The following HIVEP3 variants were observed in gnomAD, a reference collection of about 807,000 sequenced individuals.
The protein encoded by HIVEP3 is HIVEP zinc finger 3, also known as transcription factor HIVEP3.
HIVEP3 carries 49 observed loss-of-function variants against 152.8 expected under a neutral mutation model. The observed-to-expected ratio is 0.32, with a 90% CI of 0.26 to 0.41. HIVEP3 has a LOEUF of 0.41. Ranked by LOEUF, HIVEP3 falls within the 10% of genes least tolerant of loss-of-function variation. The probability of loss-of-function intolerance (pLI) is 1.00; values close to 1 mark genes in which losing one functional copy is unlikely to be tolerated. For missense variants in HIVEP3, 2,790 were observed against 3,103.3 expected (o/e 0.90, Z 2.40); for synonymous variants, 1,269 against 1,289.0 (o/e 0.98, Z 0.33).
At chr1:41,547,475 G>A (rs768454807) in intron 5 of HIVEP3, among the ~76,000 whole-genome samples, 7 of 152,248 alleles carry the variant, frequency 4.6e-5, no homozygotes, top group Non-Finnish European at 1.0e-4. Context: ...CCCTGCAGGT[G>A]GAGGGGATGG....
At position 41,598,599 on chromosome 1, in the gene HIVEP3, C is replaced by A. The variant is rs561207832; in HGVS notation, c.-521-13281G>T. Among the ~76,000 whole-genome samples the A allele has an allele frequency of 2.2e-4, 33 of 152,278 alleles. No individual in the cohort carries two copies. In the South Asian group the frequency reaches 6.8e-3, roughly 32 times the overall value. ...TTATAACGATCACTCTACTGCAACT[C>A]ATTTCTTCATTTCTCCACTCAGTCT... On this transcript the variant is annotated intron_variant, in intron 3 of 8. Transcript: ENST00000372583.
chr1:41,564,995 A>G (rs1644138615), intron 5 of HIVEP3, among the ~76,000 whole-genome samples: 1 of 152,140 alleles, frequency 6.6e-6, no homozygotes, highest in Non-Finnish European at 1.5e-5. Flanking sequence ...GCAAGACAAG[A>G]TGCACAGAGC....
intron 1 of HIVEP3, among the ~76,000 whole-genome samples, chr1:41,878,205 C>T (rs940538653): frequency 2.6e-5 from 4 of 152,176 alleles, no homozygotes; most frequent in African/African-American, 9.7e-5. Context: ...ACGAATTAAG[C>T]ACCATGAGTT....
chr1:41,675,599 T>C (rs946201420), intron 2 of HIVEP3, among the ~76,000 whole-genome samples: 6 of 152,258 alleles, frequency 3.9e-5, no homozygotes, highest in Admixed American at 3.9e-4. Context: ...ACTGTCAGAG[T>C]AGCTGTGACC....
At chr1:41,721,153 T>C (rs1646667885) in intron 1 of HIVEP3, among the ~76,000 whole-genome samples, 1 of 152,196 alleles carries the variant, frequency 6.6e-6, no homozygotes, top group Non-Finnish European at 1.5e-5. Context: ...ATACTTTATC[T>C]ACTTAAACAT....
intron 1 of HIVEP3, among the ~76,000 whole-genome samples, chr1:41,895,121 C>G (rs950697600): frequency 8.5e-5 from 13 of 152,150 alleles, no homozygotes; most frequent in African/African-American, 3.1e-4. Context: ...GATGGACAGG[C>G]TCACTGATTC....
chr1:41,966,273 A>G (rs1645197040), intron 1 of HIVEP3, among the ~76,000 whole-genome samples: 1 of 152,076 alleles, frequency 6.6e-6, no homozygotes, highest in African/African-American at 2.4e-5. Context: ...CACTAAAAAA[A>G]CACACTGAAG....
chr1:41,756,625 T>C (rs1412058297), intron 1 of HIVEP3, among the ~76,000 whole-genome samples: 5 of 152,238 alleles, frequency 3.3e-5, no homozygotes, highest in Admixed American at 3.3e-4. Context: ...AGGATAAATA[T>C]ATCCAATGGA....
intron 1 of HIVEP3, among the ~76,000 whole-genome samples, chr1:41,996,954 T>C (rs1645399118): frequency 6.6e-6 from 1 of 152,168 alleles, no homozygotes; most frequent in African/African-American, 2.4e-5. Context: ...CCTGAAACTC[T>C]TGTCTGTGTC....
chr1:41,605,962 G>GT (rs1399447253), intron 3 of HIVEP3, among the ~76,000 whole-genome samples: 1 of 152,226 alleles, frequency 6.6e-6, no homozygotes, highest in African/African-American at 2.4e-5. Flanking sequence ...TAGGACAGAT[G>GT]TGTTAGGATG....
chr1:41,986,438 CTTTTT>C (rs34078704), intron 1 of HIVEP3, among the ~76,000 whole-genome samples: 2 of 112,494 alleles, frequency 1.8e-5, no homozygotes, highest in Admixed American at 8.6e-5. Context: ...TTGAATAGGA[CTTTTT>C]TTTTTTTTTT....
chr1:42,033,783 G>A (rs1394407424), intron 1 of HIVEP3, among the ~76,000 whole-genome samples: 1 of 152,212 alleles, frequency 6.6e-6, no homozygotes, highest in Non-Finnish European at 1.5e-5. Context: ...ACAGACAGCA[G>A]GTAGAAATAA....
chr1:41,888,441 G>A (rs1025240904), intron 1 of HIVEP3, among the ~76,000 whole-genome samples: 1 of 151,792 alleles, frequency 6.6e-6, no homozygotes, highest in Non-Finnish European at 1.5e-5. Flanking sequence ...TGGCCGATAT[G>A]TGAGGAGAGA....
chr1:41,518,289 G>A (rs1341837833), intron 7 of HIVEP3, 113 bp downstream of exon 7: 1 of 856,278 alleles, frequency 1.2e-6, no homozygotes, highest in Admixed American at 1.7e-5. Flanking sequence ...GGGGAGGAGG[G>A]GGAATGGGGC....
At chr1:41,973,176 T>C (rs1184174249) in intron 1 of HIVEP3, among the ~76,000 whole-genome samples, 6 of 152,228 alleles carry the variant, frequency 3.9e-5, no homozygotes, top group African/African-American at 1.4e-4. Context: ...TCAGGGTGTA[T>C]ATAAGTTATC....
chr1:41,734,570 G>A (rs1463073679), intron 1 of HIVEP3, among the ~76,000 whole-genome samples: 1 of 152,218 alleles, frequency 6.6e-6, no homozygotes, highest in African/African-American at 2.4e-5. Flanking sequence ...GGGTGATTTA[G>A]AAAGGCCCTT....
At chr1:41,684,950 C>T (rs992105959) in intron 2 of HIVEP3, among the ~76,000 whole-genome samples, 1 of 152,228 alleles carries the variant, frequency 6.6e-6, no homozygotes, top group Non-Finnish European at 1.5e-5. Flanking sequence ...AGCTACAGAA[C>T]CTTCTCTTAC....
intron 3 of HIVEP3, among the ~76,000 whole-genome samples, chr1:41,614,035 A>C (rs1644933082): frequency 6.6e-6 from 1 of 152,210 alleles, no homozygotes; most frequent in African/African-American, 2.4e-5. Context: ...AATGCCTGTG[A>C]GATCACGCAG....
chr1:41,847,383 C>A (rs1022649202), intron 1 of HIVEP3: 2 of 152,136 alleles, frequency 1.3e-5, no homozygotes, highest in Admixed American at 1.3e-4. Context: ...TAAGTGCCAA[C>A]GTGTTTTATG....
Sources: allele counts gnomAD v4.1 joint callset (sites outside exome capture counted in the v4.1 genomes callset), GRCh38; gene constraint gnomAD v4.1.1; transcripts MANE v1.5; gene names NCBI Gene and HGNC (gene_info 2026-07-23, HGNC 2026-07-21).